Variants in SWT1 observed in about 807,000 individuals in gnomAD.
The protein encoded by SWT1 is transcriptional protein SWT1.
SWT1 carries 33 observed loss-of-function variants against 107.3 expected under a neutral mutation model. The observed-to-expected ratio is 0.31, with a 90% CI of 0.23 to 0.41. The LOEUF (loss-of-function observed/expected upper bound fraction) is 0.41. SWT1 is among the 10% of genes least tolerant of loss of function. SWT1 has a pLI of 1.00. For synonymous variants in SWT1, 345 were observed against 348.3 expected (o/e 0.99, Z 0.11); for missense variants, 898 against 1,028.9 (o/e 0.87, Z 1.74).
intron 10 of SWT1, among the ~76,000 whole-genome samples, chr1:185,194,469 A>G (rs1212175076): frequency 6.6e-6 from 1 of 151,972 alleles, no homozygotes; most frequent in Non-Finnish European, 1.5e-5. Flanking sequence ...TTTACAATAT[A>G]CATCTTTACT....
chr1:185,185,607 CTT>C (rs1343449425), intron 9 of SWT1, among the ~76,000 whole-genome samples: 1 of 151,924 alleles, frequency 6.6e-6, no homozygotes, highest in Non-Finnish European at 1.5e-5. Flanking sequence ...TATATGTAAG[CTT>C]ACATTATTTT....
At chr1:185,202,863 C>A in intron 11 of SWT1, 64 bp downstream of exon 11, 2 of 899,398 alleles carry the variant, frequency 2.2e-6, no homozygotes, top group Non-Finnish European at 3.1e-6. Flanking sequence ...TTATTTATAA[C>A]ATTAGAATCG....
chr1:185,168,968 T>A (rs1022307340), intron 4 of SWT1, among the ~76,000 whole-genome samples: 5 of 152,166 alleles, frequency 3.3e-5, no homozygotes, highest in Admixed American at 1.3e-4. Flanking sequence ...TATACAAAGT[T>A]ATAACGTGTG....
intron 5 of SWT1, among the ~76,000 whole-genome samples, chr1:185,177,786 A>G (rs1655689942): frequency 3.9e-5 from 6 of 152,094 alleles, no homozygotes; most frequent in Admixed American, 3.9e-4. Context: ...CCCCTCTCAA[A>G]TTGCAAACCT....
chr1:185,232,739 A>C (rs191365317), intron 16 of SWT1, among the ~76,000 whole-genome samples: 9 of 152,222 alleles, frequency 5.9e-5, no homozygotes, highest in African/African-American at 1.9e-4. Context: ...GGTTCAAAAA[A>C]CTGGAAATAT....
chr1:185,194,320 T>G (rs1657206508), intron 10 of SWT1, among the ~76,000 whole-genome samples: 2 of 152,190 alleles, frequency 1.3e-5, no homozygotes. Flanking sequence ...CAAATAATTT[T>G]CTATTTGTTT....
Position 185,261,092 on chromosome 1 carries a change from C to G in SWT1, c.2442-10231C>G, listed in dbSNP as rs577515254. 2.0e-5 allele frequency among the ~76,000 whole-genome samples: 3 copies of G among 152,204 alleles called. No individual in the cohort carries two copies. In the South Asian group the frequency reaches 6.2e-4, roughly 32 times the overall value. On this transcript the variant is annotated intron_variant, in intron 16 of 18. Coordinates refer to ENST00000367500, the MANE Select transcript of SWT1 (RefSeq NM_017673.7). ...TAGTGGCATTGAGAACATTCCTGCTCTTGTGCTGCTGTCACCACTATCTAT... is the reference window on the plus strand; with the variant it reads ...TAGTGGCATTGAGAACATTCCTGCTGTTGTGCTGCTGTCACCACTATCTAT...
In SWT1 at chr1:185,189,431, A is replaced by G. The variant is rs151035506; in HGVS notation, c.1430-1118A>G. On this transcript the variant is annotated intron_variant, in intron 9 of 18. Transcript: ENST00000367500. Reference sequence around the variant, plus strand: ...GGGCCCATATTTCTTTCTCCTGTATACCTCTAATTGCATTGCTTTAGAGAT... The same window carrying G: ...GGGCCCATATTTCTTTCTCCTGTATGCCTCTAATTGCATTGCTTTAGAGAT... Among the ~76,000 whole-genome samples, 19 of 152,174 alleles carry G rather than the reference A, an allele frequency of 1.2e-4. No individual in the cohort carries two copies. In the East Asian group the frequency reaches 3.1e-3, roughly 25 times the overall value.
At chr1:185,290,143 GGT>G (rs1665166834) in intron 18 of SWT1, among the ~76,000 whole-genome samples, 1 of 152,034 alleles carries the variant, frequency 6.6e-6, no homozygotes, top group Non-Finnish European at 1.5e-5. Flanking sequence ...TAGATGTGGT[GGT>G]GTGTACCAGT....
chr1:185,208,837 G>A (rs1658541688), intron 13 of SWT1, among the ~76,000 whole-genome samples: 1 of 151,450 alleles, frequency 6.6e-6, no homozygotes, highest in South Asian at 2.1e-4. Context: ...CAAGCCACAA[G>A]TGCACCTGAA....
intron 7 of SWT1, 91 bp from the exon 8 acceptor site, chr1:185,184,152 T>A: frequency 1.6e-6 from 1 of 638,318 alleles, no homozygotes; most frequent in Non-Finnish European, 2.7e-6. Flanking sequence ...TTAAATTTAA[T>A]TGAATTTTCA....
At chr1:185,260,350 A>G (rs897004498) in intron 16 of SWT1, among the ~76,000 whole-genome samples, 13 of 152,152 alleles carry the variant, frequency 8.5e-5, no homozygotes, top group African/African-American at 3.1e-4. Flanking sequence ...ATGGCTGTGC[A>G]GTGTAGATAA....
At chr1:185,268,945 C>CGGGTTCACGCCATTCTCCT (rs1663613912) in intron 16 of SWT1, among the ~76,000 whole-genome samples, 1 of 151,408 alleles carries the variant, frequency 6.6e-6, no homozygotes, top group Non-Finnish European at 1.5e-5. Flanking sequence ...CTCCGCCTCC[C>CGGGTTCACGCCATTCTCCT]GGGTTCACGC....
chr1:185,164,401 C>A (rs1328684216), intron 2 of SWT1, among the ~76,000 whole-genome samples: 1 of 152,160 alleles, frequency 6.6e-6, no homozygotes, highest in Admixed American at 6.5e-5. Context: ...CAGAGTCAGC[C>A]TTTCCTTTGA....
intron 16 of SWT1, chr1:185,266,628 G>A (rs1270635864): frequency 2.0e-5 from 3 of 148,548 alleles, no homozygotes; most frequent in Non-Finnish European, 4.4e-5. Flanking sequence ...CTGGCATTTG[G>A]GGGAAAATTT....
At position 185,180,440 on chromosome 1, in the gene SWT1, C is replaced by T; in HGVS notation, c.1016C>T (p.Ala339Val). The T allele has an allele frequency of 6.2e-7, 1 of 1,610,860 alleles. No individual in the cohort carries two copies. Among genetic ancestry groups the T allele is most frequent in the Non-Finnish European group, 8.5e-7 (1 of 1,177,146 alleles). Residue 339 changes from alanine (A) to valine (V), a missense_variant, in exon 6 of 19, where the codon GCA (alanine) becomes GTA (valine). Coordinates refer to ENST00000367500, the MANE Select transcript of SWT1 (RefSeq NM_017673.7). ...GTGTCATCTGAAAGTATCCAGGATG[C>T]AGATCAAGAGGTTATTGATATTCTT... is the stretch of plus-strand genomic sequence containing the variant. The part of the protein sequence containing the change: ...CSVSSESIQD[A>V]DQEMQIVEEL...
chr1:185,255,965 G>T (rs1295034167), intron 16 of SWT1, among the ~76,000 whole-genome samples: 1 of 151,828 alleles, frequency 6.6e-6, no homozygotes, highest in Non-Finnish European at 1.5e-5. Flanking sequence ...AGCTCTTTTA[G>T]GGCAGGCCTG....
At chr1:185,186,229 C>G (rs567660105) in intron 9 of SWT1, among the ~76,000 whole-genome samples, 2 of 152,096 alleles carry the variant, frequency 1.3e-5, no homozygotes, top group Non-Finnish European at 2.9e-5. Flanking sequence ...TAAGACTCAT[C>G]TATCTTTTTT....
intron 18 of SWT1, among the ~76,000 whole-genome samples, chr1:185,278,619 C>T (rs902116742): frequency 2.6e-5 from 4 of 152,192 alleles, no homozygotes; most frequent in African/African-American, 9.7e-5. Flanking sequence ...CAGGATTGAT[C>T]CATGTTGACA....
Sources: allele counts gnomAD v4.1 joint callset (sites outside exome capture counted in the v4.1 genomes callset), GRCh38; gene constraint gnomAD v4.1.1; transcripts MANE v1.5; gene names NCBI Gene and HGNC (gene_info 2026-07-23, HGNC 2026-07-21).